Variants in POT1 observed in about 807,000 individuals in gnomAD.
The protein encoded by POT1 is protection of telomeres protein 1.
In POT1, 47 loss-of-function variants were observed where a neutral mutation model predicts 78.5. That is an observed-to-expected ratio of 0.60 (90% CI 0.47 to 0.76). The LOEUF is 0.76. Ranked by LOEUF, POT1 falls within the 30% of genes least tolerant of loss-of-function variation. POT1 has a pLI of 0.00. For synonymous variants in POT1, 259 were observed against 260.7 expected, an observed-to-expected ratio of 0.99 and a Z score of 0.06; for missense variants, 646 against 749.9, an observed-to-expected ratio of 0.86 and a Z score of 1.62.
intron 2 of POT1, among the ~76,000 whole-genome samples, chr7:124,925,384 C>G (rs1248989468): frequency 6.6e-6 from 1 of 151,784 alleles, no homozygotes; most frequent in African/African-American, 2.4e-5. Context: ...AATAAAATGC[C>G]TAGGAATATA....
chr7:124,846,122 G>A (rs899277066), intron 12 of POT1, among the ~76,000 whole-genome samples: 16 of 149,472 alleles, frequency 1.1e-4, no homozygotes, highest in Non-Finnish European at 2.1e-4. Flanking sequence ...GCTTTTTCAT[G>A]GAGAGAGAGA....
At chr7:124,902,134 C>T (rs6466960) in intron 3 of POT1, among the ~76,000 whole-genome samples, 94,979 of 151,910 alleles carry the variant, frequency 0.63, 30,089 homozygotes, top group African/African-American at 0.73. Flanking sequence ...TTCTCCAATC[C>T]AGCAAGGCAG....
In POT1 at chr7:124,861,400, CTTCTT is replaced by C. The variant is rs201937928; in HGVS notation, c.546+1945_546+1949del. ...ATATGTCTGTTAGCCACATAAATGT[CTTCTT>C]TTGAGAAGTGTCTGTTCATATCCTT... On this transcript the variant is annotated intron_variant, in intron 8 of 18. Coordinates refer to ENST00000357628, the MANE Select transcript of POT1 (RefSeq NM_015450.3). 6.0e-3 allele frequency among the ~76,000 whole-genome samples: 917 copies of C among 152,306 alleles called. 55 individuals are homozygous for C. The East Asian group carries it at 0.15, about 24-fold the overall frequency.
At chr7:124,848,196 G>A (rs534101537) in intron 11 of POT1, among the ~76,000 whole-genome samples, 1 of 152,228 alleles carries the variant, frequency 6.6e-6, no homozygotes, top group South Asian at 2.1e-4. Context: ...CAAAACTCAT[G>A]GAGTGGTTCA....
intron 6 of POT1, among the ~76,000 whole-genome samples, chr7:124,873,145 G>GT (rs1419467307): frequency 1.3e-5 from 2 of 152,104 alleles, no homozygotes. Context: ...TGTGCAGAAG[G>GT]TTTTTAAGTT....
intron 3 of POT1, chr7:124,900,855 A>T: frequency 2.6e-6 from 1 of 384,078 alleles, no homozygotes; most frequent in Non-Finnish European, 5.4e-6. Context: ...ATTATATCCC[A>T]TGCCTGGCTC....
At chr7:124,885,386 T>C (rs936993957) in intron 6 of POT1, among the ~76,000 whole-genome samples, 5 of 151,454 alleles carry the variant, frequency 3.3e-5, no homozygotes, top group African/African-American at 9.7e-5. Context: ...GGTGGGAGGA[T>C]TGCTTGAGCC....
chr7:124,908,077 A>T (rs1796807195), intron 3 of POT1, among the ~76,000 whole-genome samples: 1 of 152,070 alleles, frequency 6.6e-6, no homozygotes, highest in South Asian at 2.1e-4. Context: ...AGAAAAGGGC[A>T]TTGAAAATAT....
intron 7 of POT1, among the ~76,000 whole-genome samples, chr7:124,863,989 G>A (rs1207417685): frequency 1.3e-5 from 2 of 152,098 alleles, no homozygotes; most frequent in African/African-American, 4.8e-5. Context: ...GACCATAAAT[G>A]ACAGTGACTT....
chr7:124,922,297 T>C (rs1482772509), intron 2 of POT1, among the ~76,000 whole-genome samples: 2 of 152,012 alleles, frequency 1.3e-5, no homozygotes, highest in African/African-American at 4.8e-5. Flanking sequence ...GATCTACAGG[T>C]AAAAATGAAG....
intron 9 of POT1, among the ~76,000 whole-genome samples, chr7:124,857,429 A>G (rs1795472490): frequency 6.6e-6 from 1 of 152,200 alleles, no homozygotes; most frequent in African/African-American, 2.4e-5. Flanking sequence ...CAAAGTGAGA[A>G]CTTACATCCC....
chr7:124,853,375 T>C (rs565438722), intron 9 of POT1: 5 of 326,728 alleles, frequency 1.5e-5, no homozygotes, highest in South Asian at 9.2e-5. Context: ...CACATACATA[T>C]ACACACACAT....
At chr7:124,835,885 T>C (rs971048841) in intron 14 of POT1, among the ~76,000 whole-genome samples, 1 of 152,196 alleles carries the variant, frequency 6.6e-6, no homozygotes, top group Non-Finnish European at 1.5e-5. Context: ...AATTTGTTCA[T>C]TTTTCCTGGG....
intron 5 of POT1, among the ~76,000 whole-genome samples, chr7:124,893,312 T>C (rs1481929753): frequency 6.6e-6 from 1 of 151,428 alleles, no homozygotes; most frequent in Non-Finnish European, 1.5e-5. Context: ...AAATTTTGAC[T>C]CATAACTCAA....
At chr7:124,834,951 G>C (rs1238143828) in intron 15 of POT1, among the ~76,000 whole-genome samples, 2 of 152,132 alleles carry the variant, frequency 1.3e-5, no homozygotes, top group Non-Finnish European at 2.9e-5. Flanking sequence ...CAGGCATATG[G>C]ATAAAGCCGG....
At chr7:124,858,621 C>A (rs188467531) in intron 9 of POT1, among the ~76,000 whole-genome samples, 35 of 152,054 alleles carry the variant, frequency 2.3e-4, no homozygotes, top group Non-Finnish European at 4.9e-4. Context: ...GTTTACCAAG[C>A]TTAGCATTTA....
At chr7:124,892,890 T>C (rs903119453) in intron 5 of POT1, 3 of 151,494 alleles carry the variant, frequency 2.0e-5, no homozygotes, top group Admixed American at 6.6e-5. Flanking sequence ...TTTTTAAATA[T>C]GTACATCTTC....
intron 2 of POT1, among the ~76,000 whole-genome samples, chr7:124,923,134 A>G (rs1198720631): frequency 2.0e-5 from 3 of 151,850 alleles, no homozygotes; most frequent in African/African-American, 7.2e-5. Flanking sequence ...ATATCACCAA[A>G]AGACCACAAC....
At chr7:124,842,292 TA>T (rs1473597140) in intron 13 of POT1, among the ~76,000 whole-genome samples, 1 of 152,014 alleles carries the variant, frequency 6.6e-6, no homozygotes, top group Non-Finnish European at 1.5e-5. Context: ...AAAACAGTTA[TA>T]TACATTTATT....
Sources: gnomAD v4.1 joint callset for allele counts (sites outside exome capture counted in the v4.1 genomes callset) on GRCh38, gnomAD v4.1.1 for gene constraint, MANE v1.5 for transcripts, NCBI Gene and HGNC (gene_info 2026-07-23, HGNC 2026-07-21) for gene names.